Variants in FAM168A observed in about 807,000 individuals in gnomAD.
FAM168A encodes the protein family with sequence similarity 168 member A.
FAM168A carries 3 observed loss-of-function variants against 28.5 expected under a neutral mutation model. That is an observed-to-expected ratio of 0.11 (90% CI 0.05 to 0.27). FAM168A has a LOEUF of 0.27. FAM168A is among the 10% of genes least tolerant of loss of function. The pLI, the probability that FAM168A is intolerant of heterozygous loss-of-function variation, is 1.00. For synonymous variants in FAM168A, 122 were observed against 124.2 expected, an observed-to-expected ratio of 0.98 and a Z score of 0.12; for missense variants, 222 against 311.5, an observed-to-expected ratio of 0.71 and a Z score of 2.16.
chr11:73,528,548 T>G (rs1177811428), intron 1 of FAM168A, among the ~76,000 whole-genome samples: 2 of 152,226 alleles, frequency 1.3e-5, no homozygotes, highest in African/African-American at 4.8e-5. Context: ...CCTCTTACTT[T>G]CAGGAATGTC....
chr11:73,480,217 A>G (rs1251777477), intron 1 of FAM168A, among the ~76,000 whole-genome samples: 1 of 152,118 alleles, frequency 6.6e-6, no homozygotes, highest in Non-Finnish European at 1.5e-5. Context: ...AAAGCTCAAC[A>G]CCCAGCTTTG....
chr11:73,501,048 TC>T (rs1409899561), intron 1 of FAM168A, among the ~76,000 whole-genome samples: 5 of 148,832 alleles, frequency 3.4e-5, no homozygotes, highest in Admixed American at 2.0e-4. Context: ...GCAATCCTAG[TC>T]TCTGACAAAA....
rs574146483 is a variant in FAM168A, at chr11:73,413,183, C to G, written c.278-1647G>C. ...TAGCACCCCCCTGCCCCTGATGACT[C>G]AGGAGGATAGGAGAGCTGCTGCACA... is the stretch of plus-strand genomic sequence containing the variant. On this transcript the variant is annotated intron_variant, in intron 4 of 7. Coordinates refer to ENST00000356467, the MANE Select transcript of FAM168A (RefSeq NM_015159.3). Among the ~76,000 whole-genome samples the G allele has an allele frequency of 4.4e-4, 67 of 152,244 alleles. 1 individual carries two copies. The highest frequency in any genetic ancestry group is 1.6e-3 in the African/African-American group (65 of 41,512).
chr11:73,537,299 AC>A (rs1397607220), intron 1 of FAM168A, among the ~76,000 whole-genome samples: 1 of 152,104 alleles, frequency 6.6e-6, no homozygotes, highest in Non-Finnish European at 1.5e-5. Context: ...GGTGGCTCAC[AC>A]CTGTAATCTT....
intron 1 of FAM168A, among the ~76,000 whole-genome samples, chr11:73,515,418 A>C (rs1377745263): frequency 6.6e-6 from 1 of 151,358 alleles, no homozygotes; most frequent in Non-Finnish European, 1.5e-5. Context: ...CTGAGGCAGG[A>C]GATCACCTGA....
At chr11:73,463,114 G>A (rs1382528003) in intron 2 of FAM168A, among the ~76,000 whole-genome samples, 1 of 151,782 alleles carries the variant, frequency 6.6e-6, no homozygotes, top group African/African-American at 2.4e-5. Context: ...GATTACAGGT[G>A]TGCGCCACCA....
intron 1 of FAM168A, among the ~76,000 whole-genome samples, chr11:73,550,898 G>C (rs1443936765): frequency 6.6e-6 from 1 of 152,136 alleles, no homozygotes; most frequent in Non-Finnish European, 1.5e-5. Flanking sequence ...CACAAGTCAG[G>C]AGATCAAGAC....
At chr11:73,562,790 C>A (rs891153322) in intron 1 of FAM168A, among the ~76,000 whole-genome samples, 3 of 152,110 alleles carry the variant, frequency 2.0e-5, no homozygotes, top group Admixed American at 6.6e-5. Context: ...CGCACCACTG[C>A]ATTTCAGCCT....
At chr11:73,520,092 C>T (rs1243167092) in intron 1 of FAM168A, among the ~76,000 whole-genome samples, 1 of 152,004 alleles carries the variant, frequency 6.6e-6, no homozygotes, top group African/African-American at 2.4e-5. Flanking sequence ...TGTCACCAGG[C>T]TGGAGTGCAG....
At chr11:73,446,149 A>T (rs1867310160) in intron 2 of FAM168A, among the ~76,000 whole-genome samples, 1 of 152,272 alleles carries the variant, frequency 6.6e-6, no homozygotes, top group Non-Finnish European at 1.5e-5. Flanking sequence ...AATTACAATT[A>T]ACTCAGGCCT....
intron 1 of FAM168A, among the ~76,000 whole-genome samples, chr11:73,519,222 T>G (rs1317396795): frequency 3.3e-5 from 5 of 152,204 alleles, no homozygotes; most frequent in Admixed American, 1.3e-4. Context: ...TCTGATCTTA[T>G]GAATACCATT....
intron 1 of FAM168A, among the ~76,000 whole-genome samples, chr11:73,549,977 T>C (rs1565294325): frequency 6.6e-6 from 1 of 152,214 alleles, no homozygotes; most frequent in East Asian, 1.9e-4. Flanking sequence ...TTCCAAATAT[T>C]GGAACAACCT....
chr11:73,432,668 C>T (rs1421425544), intron 2 of FAM168A, among the ~76,000 whole-genome samples: 1 of 152,060 alleles, frequency 6.6e-6, no homozygotes, highest in Non-Finnish European at 1.5e-5. Context: ...AATCCCAGCA[C>T]TTTGGGAGGC....
chr11:73,484,596 C>T (rs190970204), intron 1 of FAM168A, among the ~76,000 whole-genome samples: 5 of 127,218 alleles, frequency 3.9e-5, no homozygotes, highest in Non-Finnish European at 8.3e-5. Context: ...ATCTATATAT[C>T]GATATCTATA....
intron 1 of FAM168A, among the ~76,000 whole-genome samples, chr11:73,505,751 CTT>C (rs1855105251): frequency 2.0e-5 from 3 of 152,116 alleles, no homozygotes; most frequent in Non-Finnish European, 4.4e-5. Flanking sequence ...ACTTGGTGTA[CTT>C]CACCATTTTA....
intron 3 of FAM168A, among the ~76,000 whole-genome samples, chr11:73,427,915 A>C (rs1866918079): frequency 1.3e-5 from 2 of 152,140 alleles, no homozygotes; most frequent in Non-Finnish European, 2.9e-5. Context: ...ATCTTTTGGT[A>C]GTTTCCAGTC....
chr11:73,496,909 A>ACACACG (rs1854898511), intron 1 of FAM168A, among the ~76,000 whole-genome samples: 2 of 147,308 alleles, frequency 1.4e-5, no homozygotes, highest in South Asian at 2.1e-4. Flanking sequence ...ACACACACGC[A>ACACACG]CACACACGCA....
At chr11:73,460,500 T>C (rs1356122954) in intron 2 of FAM168A, among the ~76,000 whole-genome samples, 1 of 97,910 alleles carries the variant, frequency 1.0e-5, no homozygotes, top group African/African-American at 5.1e-5. Flanking sequence ...CTACTAATGC[T>C]TTTTTTTTTT....
intron 1 of FAM168A, among the ~76,000 whole-genome samples, chr11:73,575,326 T>C (rs1407226467): frequency 6.6e-6 from 1 of 152,198 alleles, no homozygotes; most frequent in Non-Finnish European, 1.5e-5. Context: ...GATATATACA[T>C]CTGATGATAG....
Sources: allele counts gnomAD v4.1 joint callset (sites outside exome capture counted in the v4.1 genomes callset), GRCh38; gene constraint gnomAD v4.1.1; transcripts MANE v1.5; gene names NCBI Gene and HGNC (gene_info 2026-07-23, HGNC 2026-07-21).